The following F8 variants were observed in gnomAD, a reference collection of about 807,000 sequenced individuals.
F8 encodes the protein antihemophilic factor.
In F8, 12 loss-of-function variants were observed where a neutral mutation model predicts 140.6. The observed-to-expected ratio is 0.09, with a 90% CI of 0.05 to 0.14. The LOEUF (loss-of-function observed/expected upper bound fraction) is 0.14, where lower values mean the gene tolerates loss of function less well. Among genes scored for constraint, F8 ranks in the 10% least tolerant of loss-of-function variants. F8 has a pLI of 1.00. For missense variants in F8, 1,354 were observed against 1,720.7 expected, an observed-to-expected ratio of 0.79 and a Z score of 3.77; for synonymous variants, 585 against 614.6, an observed-to-expected ratio of 0.95 and a Z score of 0.71.
intron 25 of F8, among the ~76,000 whole-genome samples, chrX:154,859,442 A>G (rs2072673509): frequency 9.2e-6 from 1 of 108,114 alleles, no homozygotes; most frequent in Admixed American, 1.0e-4. Context: ...AGCTGGGACT[A>G]CAGGCACCCG....
At chrX:154,976,387 T>A (rs1557282985) in intron 6 of F8, among the ~76,000 whole-genome samples, 1 of 111,554 alleles carries the variant, frequency 9.0e-6, no homozygotes, top group Non-Finnish European at 1.9e-5. Flanking sequence ...TAAAAAAAAA[T>A]TCATTCAGCC....
At chrX:154,998,783 AC>A (rs1214513915) in intron 2 of F8, among the ~76,000 whole-genome samples, 1 of 111,504 alleles carries the variant, frequency 9.0e-6, no homozygotes, top group African/African-American at 3.3e-5. Context: ...GTTAGCTCCC[AC>A]TATTGCCCAC....
At chrX:154,852,389 T>C (rs2072623028) in intron 25 of F8, among the ~76,000 whole-genome samples, 1 of 111,964 alleles carries the variant, frequency 8.9e-6, no homozygotes, top group Admixed American at 9.5e-5. Flanking sequence ...AAATTTTGTA[T>C]ATGGTAAAGA....
chrX:155,010,919 C>T (rs1374835396), intron 1 of F8, among the ~76,000 whole-genome samples: 2 of 111,551 alleles, frequency 1.8e-5, no homozygotes, highest in Non-Finnish European at 3.8e-5. Context: ...GATCAATGAC[C>T]TCAATGTAAG....
At chrX:155,021,003 T>C (rs1205490492) in intron 1 of F8, among the ~76,000 whole-genome samples, 1 of 112,022 alleles carries the variant, frequency 8.9e-6, no homozygotes, top group East Asian at 2.8e-4. Context: ...AAAGCACCAG[T>C]ATGTAATGAT....
chrX:154,965,872 T>C lies in F8; in HGVS notation c.1443+98A>G, dbSNP rs930098666. Reference sequence around the variant, plus strand: ...CATTTATAGCTTTTAAAAGATCATGTCCATTGGAGACAAGGCTGAATTATG... The same window carrying C: ...CATTTATAGCTTTTAAAAGATCATGCCCATTGGAGACAAGGCTGAATTATG... On this transcript the variant is annotated intron_variant, in intron 9 of 25. Coordinates refer to ENST00000360256, the MANE Select transcript of F8 (RefSeq NM_000132.4). 6.3e-6 allele frequency: 5 copies of C among 789,017 alleles called. No individual in the cohort carries two copies. The African/African-American group carries it at 8.3e-5, about 13-fold the overall frequency. The allele number at this position is 789,017 out of a possible 1,213,427, so 65.0% of individuals were successfully genotyped here.
chrX:154,979,097 T>A (rs2073503130), intron 6 of F8, among the ~76,000 whole-genome samples: 1 of 111,872 alleles, frequency 8.9e-6, no homozygotes, highest in African/African-American at 3.3e-5. Flanking sequence ...AGAAGTGGTA[T>A]TGATGGATCA....
At chrX:154,896,530 CACACACAT>C (rs2072981541) in intron 21 of F8, among the ~76,000 whole-genome samples, 3 of 110,153 alleles carry the variant, frequency 2.7e-5, no homozygotes, top group Non-Finnish European at 5.7e-5. Flanking sequence ...CACACACACA[CACACACAT>C]ACACACAAAC....
At chrX:155,016,600 C>A (rs1044600206) in intron 1 of F8, among the ~76,000 whole-genome samples, 1 of 112,618 alleles carries the variant, frequency 8.9e-6, no homozygotes, top group Non-Finnish European at 1.9e-5. Context: ...TATACAACAA[C>A]CTGCATGAAT....
chrX:154,929,088 C>T lies in F8; in HGVS notation c.4702G>A (p.Val1568Ile). The T allele has an allele frequency of 8.3e-7, 1 of 1,211,537 alleles. No homozygotes were observed. Among genetic ancestry groups the T allele is most frequent in the African/African-American group, 1.7e-5 (1 of 57,767 alleles). Reference sequence around the variant, plus strand: ...GTCTTTGCAGAGCTTTCTGTTGCTACTCTCAGAAAGGGAACTTTTCCAGGT... The same window carrying T: ...GTCTTTGCAGAGCTTTCTGTTGCTATTCTCAGAAAGGGAACTTTTCCAGGT... The part of the protein sequence containing the change: ...NRPGKVPFLR[V>I]ATESSAKTPS... Residue 1568 changes from valine (V) to isoleucine (I), a missense_variant, in exon 14 of 26, where the codon GTA (valine) becomes ATA (isoleucine). Transcript: ENST00000360256.
intron 1 of F8, among the ~76,000 whole-genome samples, chrX:155,014,347 T>C (rs1318370649): frequency 8.9e-6 from 1 of 111,800 alleles, no homozygotes; most frequent in Non-Finnish European, 1.9e-5. Context: ...AAATAATGAA[T>C]ATTTTCCCTC....
At position 154,930,295 on chromosome X, in the gene F8, C is replaced by T; in HGVS notation, c.3495G>A (p.Glu1165=). The change falls in exon 14 of 26, where the codon GAG becomes GAA. Residue 1165 remains glutamate (E), a synonymous_variant. Transcript: ENST00000360256. Reference sequence around the variant, plus strand: ...CCTTTCCTACTACCACTTTGTTTTTCTCAGACAAGAAATTCTGACCTTCCA... The same window carrying T: ...CCTTTCCTACTACCACTTTGTTTTTTTCAGACAAGAAATTCTGACCTTCCA... The part of the protein sequence containing the change: ...KSVEGQNFLS[E]KNKVVVGKGE... 1.7e-6 allele frequency: 2 copies of T among 1,211,594 alleles called. No homozygotes were observed. The highest frequency in any genetic ancestry group is 2.2e-6 in the Non-Finnish European group (2 of 895,419).
At chrX:154,896,506 TACACACACAC>T (rs57253105) in intron 21 of F8, among the ~76,000 whole-genome samples, 4 of 99,002 alleles carry the variant, frequency 4.0e-5, no homozygotes, top group Admixed American at 1.1e-4. Flanking sequence ...CCCCATTTCG[TACACACACAC>T]ACACACACAC....
intron 21 of F8, among the ~76,000 whole-genome samples, chrX:154,898,495 C>T (rs185670645): frequency 2.9e-4 from 33 of 112,100 alleles, no homozygotes; most frequent in Admixed American, 2.5e-3. Context: ...TGTAGTACAA[C>T]GATTACCAGT....
rs1352701105 is a variant in F8 at position 154,987,175 on chromosome X, C to A, written c.670+62G>T. ...ATTTATGATCTTTCTATAATCACCT[C>A]CTCTTAATAGTAGCAGAGGATTTCT... On this transcript the variant is annotated intron_variant, in intron 5 of 25. Transcript: ENST00000360256. 4.3e-5 allele frequency: 38 copies of A among 887,545 alleles called. No homozygotes were observed. In the Admixed American group the frequency reaches 8.3e-4, roughly 19 times the overall value. The allele number at this position is 887,545 out of a possible 1,213,427, so 73.1% of individuals were successfully genotyped here.
chrX:154,836,818 A>G lies in F8; in HGVS notation c.*779T>C, dbSNP rs2072478808. On this transcript the variant is annotated 3_prime_UTR_variant, in exon 26 of 26. Coordinates refer to ENST00000360256, the MANE Select transcript of F8 (RefSeq NM_000132.4). ...TTGCATCCTCCTGACTTATTTTTTT[A>G]TTGGTCAGAATTAAGACCAAATGGC... The G allele has an allele frequency of 8.9e-6, 1 of 111,764 alleles. No homozygotes were observed. Among genetic ancestry groups the G allele is most frequent in the Non-Finnish European group, 1.9e-5 (1 of 53,145 alleles). 9.2% of individuals were successfully genotyped at this position (111,764 alleles called of 1,213,427 possible). A position where few individuals can be genotyped will look rare whatever the true frequency, so the allele number is the denominator to read the frequency against.
At chrX:154,924,597 G>A (rs1262287292) in intron 14 of F8, among the ~76,000 whole-genome samples, 1 of 111,998 alleles carries the variant, frequency 8.9e-6, no homozygotes, top group Non-Finnish European at 1.9e-5. Flanking sequence ...TCCACTAGGT[G>A]GTACCCCAGC....
intron 24 of F8, among the ~76,000 whole-genome samples, chrX:154,861,160 G>A (rs1557272836): frequency 9.0e-6 from 1 of 110,720 alleles, no homozygotes; most frequent in Non-Finnish European, 1.9e-5. Flanking sequence ...AGGTTCATGC[G>A]ATTATCCTGC....
intron 14 of F8, among the ~76,000 whole-genome samples, chrX:154,916,232 T>C (rs1281271091): frequency 8.9e-6 from 1 of 112,250 alleles, no homozygotes; most frequent in African/African-American, 3.2e-5. Flanking sequence ...GATTTTTGCA[T>C]CTATATTCAT....
Sources: gnomAD v4.1 joint callset for allele counts (sites outside exome capture counted in the v4.1 genomes callset) on GRCh38, gnomAD v4.1.1 for gene constraint, MANE v1.5 for transcripts, NCBI Gene and HGNC (gene_info 2026-07-23, HGNC 2026-07-21) for gene names.